Variants in MAPK15 observed in about 807,000 individuals in gnomAD.
The protein encoded by MAPK15 is mitogen-activated protein kinase 15.
Under a neutral mutation model 60.8 loss-of-function variants are expected in MAPK15, and 61 were observed. The ratio of observed to expected loss-of-function variants is 1.00; its 90% CI spans 0.82 to 1.24. MAPK15 has a LOEUF of 1.24. Ranked by LOEUF, MAPK15 falls within the 50% of genes most tolerant of loss-of-function variation. The pLI is 0.00. For missense variants in MAPK15, 808 were observed against 741.1 expected (o/e 1.09, Z -1.05); for synonymous variants, 356 against 319.9 (o/e 1.11, Z -1.21).
chr8:143,718,726 T>TTTCCCCCCCCCCCCCCCCCCCCC, intron 4 of MAPK15, 49 bp from the exon 5 acceptor site: 1 of 417,842 alleles, frequency 2.4e-6, no homozygotes, highest in South Asian at 2.3e-5. Flanking sequence ...CCCCCCAGGT[T>TTTCCCCCCCCCCCCCCCCCCCCC]GCCCCCCCAG....
chr8:143,721,624 G>A lies in MAPK15; in HGVS notation c.1280G>A (p.Gly427Glu). ...PLLQTALLGN[G>E]ERPPGAKEAP... The stretch of plus-strand genomic sequence containing the variant: ...CTCCAAACTGCTCTCCTAGGGAATG[G>A]GGAAAGGCCCCCTGGGGCGAAGGAA... Residue 427 changes from glycine to glutamate, a missense_variant, in exon 12 of 14, where the codon GGG becomes GAG. By Grantham distance (98) the Gly-to-Glu change is moderately conservative. Transcript: ENST00000338033. The A allele has an allele frequency of 1.9e-6, 3 of 1,611,960 alleles. No individual in the cohort carries two copies. In the African/African-American group the frequency reaches 4.0e-5, roughly 21 times the overall value.
chr8:143,718,744 C>G, intron 4 of MAPK15, 31 bp from the exon 5 acceptor site: 1 of 1,455,834 alleles, frequency 6.9e-7, no homozygotes, highest in Non-Finnish European at 9.2e-7. Context: ...CAGCCCCCCA[C>G]CCCCGACTGC....
rs1817989240 is a variant in MAPK15 at position 143,720,148 on chromosome 8, G to T, written c.722-82G>T. Reference sequence around the variant, plus strand: ...AGAGAGGCTGTGCTCCCTGGGGCTGGAAGAGATGACTGGCCCCAGATGCCC... The same window carrying T: ...AGAGAGGCTGTGCTCCCTGGGGCTGTAAGAGATGACTGGCCCCAGATGCCC... On this transcript the variant is annotated intron_variant, in intron 7 of 13. Coordinates refer to ENST00000338033, the MANE Select transcript of MAPK15 (RefSeq NM_139021.3). The surrounding 1 kb of genome is among the most constrained non-coding windows in gnomAD (Gnocchi z 4.6). 7 of 1,529,736 alleles carry T rather than the reference G, an allele frequency of 4.6e-6. No homozygotes were observed. In the Admixed American group the frequency reaches 1.4e-4, roughly 30 times the overall value. The allele number at this position is 1,529,736 out of a possible 1,614,324, so 94.8% of individuals were successfully genotyped here. A position where few individuals can be genotyped will look rare whatever the true frequency, so the allele number is the denominator to read the frequency against.
chr8:143,720,249 A>G lies in MAPK15; in HGVS notation c.741A>G (p.Ser247=), dbSNP rs781893719. ...CCCCAGACCTCCTGGCTCTCGGCTC[A>G]GGCTGCCGTGCCTCTGTGCTGCACC... ...PSEEDLLALG[S]GCRASVLHQL... is the part of the protein sequence containing the mutation. The change falls in exon 8 of 14, where the codon TCA becomes TCG. Residue 247 remains serine (S), a synonymous_variant. Transcript: ENST00000338033. The surrounding 1 kb of genome is among the most constrained non-coding windows in gnomAD (Gnocchi z 4.6). The G allele has an allele frequency of 5.0e-6, 8 of 1,586,408 alleles. No individual in the cohort carries two copies. The highest frequency in any genetic ancestry group is 6.9e-6 in the Non-Finnish European group (8 of 1,165,936).
At position 143,720,270 on chromosome 8, in the gene MAPK15, G is replaced by C. The variant is rs200797695; in HGVS notation, c.762G>C (p.Leu254=). The C allele has an allele frequency of 6.3e-7, 1 of 1,589,614 alleles. No individual in the cohort carries two copies. The highest frequency in any genetic ancestry group is 8.6e-7 in the Non-Finnish European group (1 of 1,167,612). The change falls in exon 8 of 14, where the codon CTG becomes CTC. Residue 254 remains leucine, a synonymous_variant. Coordinates refer to ENST00000338033, the MANE Select transcript of MAPK15 (RefSeq NM_139021.3). This position sits in a 1 kb window ranked among gnomAD's most constrained non-coding sequence, Gnocchi z 4.6. ...ALGSGCRASV[L]HQLGSRPRQT... is the part of the protein sequence containing the mutation. ...GCTCAGGCTGCCGTGCCTCTGTGCTGCACCAGCTGGGGTCCCGGTGAGTGG... is the reference window on the plus strand; with the variant it reads ...GCTCAGGCTGCCGTGCCTCTGTGCTCCACCAGCTGGGGTCCCGGTGAGTGG...
chr8:143,719,465 C>T lies in MAPK15; in HGVS notation c.704C>T (p.Pro235Leu), dbSNP rs537644016. The change falls in exon 7 of 14, where the codon CCA (proline) becomes CTA (leucine). Residue 235 changes from proline to leucine, a missense_variant. Transcript: ENST00000338033. ...CTGGAGCTGATCCTGGAGACCATCCCACCGCCATCTGAGGAGGGTGAGCCA... is the reference window on the plus strand; with the variant it reads ...CTGGAGCTGATCCTGGAGACCATCCTACCGCCATCTGAGGAGGGTGAGCCA... ...HQLELILETI[P>L]PPSEEDLLAL... 1.1e-5 allele frequency: 18 copies of T among 1,608,170 alleles called. No individual in the cohort carries two copies. Among genetic ancestry groups the T allele is most frequent in the Middle Eastern group, 1.9e-4 (1 of 5,356 alleles).
At position 143,720,774 on chromosome 8, in the gene MAPK15, T is replaced by C. The variant is rs781866712; in HGVS notation, c.851T>C (p.Leu284Pro). The C allele has an allele frequency of 7.4e-6, 12 of 1,613,700 alleles. No individual in the cohort carries two copies. The South Asian group carries it at 1.1e-4, about 15-fold the overall frequency. ...GAGGCCTTGGACCTCCTTAGGCGAC[T>C]CCTGGTGTTCGCCCCGGACAAGCGG... ...SPEALDLLRRLLVFAPDKRLS... is the reference protein window; with the variant it reads ...SPEALDLLRRPLVFAPDKRLS... Residue 284 changes from leucine (L) to proline (P), a missense_variant, in exon 9 of 14, where the codon CTC becomes CCC. Leu to Pro is a moderately conservative substitution (Grantham distance 98). Coordinates refer to ENST00000338033, the MANE Select transcript of MAPK15 (RefSeq NM_139021.3). This position sits in a 1 kb window ranked among gnomAD's most constrained non-coding sequence, Gnocchi z 4.6.
chr8:143,719,616 CAGGA>C, intron 7 of MAPK15, 134 bp downstream of exon 7: 2 of 1,245,926 alleles, frequency 1.6e-6, no homozygotes, highest in Non-Finnish European at 2.1e-6. Flanking sequence ...GAGGATGGGG[CAGGA>C]GCCCCAGGAA....
chr8:143,718,727 G>GCCCCCCCCCCCCCCCCCC, intron 4 of MAPK15, 48 bp from the exon 5 acceptor site: 1 of 514,524 alleles, frequency 1.9e-6, no homozygotes, highest in Non-Finnish European at 3.2e-6. Context: ...CCCCCAGGTT[G>GCCCCCCCCCCCCCCCCCC]CCCCCCCAGC....
At position 143,720,661 on chromosome 8, in the gene MAPK15, C is replaced by A. The variant is rs782554847; in HGVS notation, c.780-42C>A. On this transcript the variant is annotated intron_variant, in intron 8 of 13. Coordinates refer to ENST00000338033, the MANE Select transcript of MAPK15 (RefSeq NM_139021.3). The surrounding 1 kb of genome is among the most constrained non-coding windows in gnomAD (Gnocchi z 4.6). The stretch of plus-strand genomic sequence containing the variant: ...CCACGAACATGGATCTGAGGAGGGG[C>A]CCTTGGGTCGGGCCCTGGAGACGAC... 1.3e-6 allele frequency: 2 copies of A among 1,585,462 alleles called. No individual in the cohort carries two copies. Among genetic ancestry groups the A allele is most frequent in the East Asian group, 4.6e-5 (2 of 43,700 alleles).
At position 143,721,134 on chromosome 8, in the gene MAPK15, CCT is replaced by C. The variant is rs782690954; in HGVS notation, c.1023+30_1023+31del. On this transcript the variant is annotated intron_variant, in intron 10 of 13. Coordinates refer to ENST00000338033, the MANE Select transcript of MAPK15 (RefSeq NM_139021.3). ...CTCCGGCTCTCGACCCCTATCATCCCCTGTCTACTGCACCCTGGAGGCTGCCT... is the reference window on the plus strand; with the variant it reads ...CTCCGGCTCTCGACCCCTATCATCCCGTCTACTGCACCCTGGAGGCTGCCT... 2.4e-4 allele frequency: 381 copies of C among 1,604,752 alleles called. No homozygotes were observed. In the African/African-American group the frequency reaches 2.7e-3, roughly 11 times the overall value.
chr8:143,718,956 C>T, intron 5 of MAPK15, 37 bp from the exon 6 acceptor site: 2 of 1,599,318 alleles, frequency 1.3e-6, no homozygotes, highest in Admixed American at 1.7e-5. Flanking sequence ...CCCGGCCCCA[C>T]CCAGCCCCGG....
chr8:143,719,048 T>G lies in MAPK15; in HGVS notation c.473T>G (p.Leu158Arg). 5.6e-6 allele frequency: 9 copies of G among 1,596,306 alleles called. No individual in the cohort carries two copies. Among genetic ancestry groups the G allele is most frequent in the Non-Finnish European group, 7.7e-6 (9 of 1,172,026 alleles). ...ACAGTGAAGCTGTGTGACTTTGGCC[T>G]GGCCCGCTCCCTGGGCGACCTCCCC... ...NCTVKLCDFG[L>R]ARSLGDLPEG... Residue 158 changes from leucine to arginine, a missense_variant, in exon 6 of 14, where the codon CTG (leucine) becomes CGG (arginine). Transcript: ENST00000338033.
At position 143,720,814 on chromosome 8, in the gene MAPK15, G is replaced by A. The variant is rs1206929629; in HGVS notation, c.891G>A (p.Gln297=). The A allele has an allele frequency of 1.2e-6, 2 of 1,613,226 alleles. No individual in the cohort carries two copies. The highest frequency in any genetic ancestry group is 8.5e-7 in the Non-Finnish European group (1 of 1,179,880). ...CGGACAAGCGGTTAAGCGCGACCCAGGCACTGCAGCACCCCTACGTGCAGA... is the reference window on the plus strand; with the variant it reads ...CGGACAAGCGGTTAAGCGCGACCCAAGCACTGCAGCACCCCTACGTGCAGA... ...FAPDKRLSAT[Q]ALQHPYVQRF... Residue 297 remains glutamine (Q), a synonymous_variant, in exon 9 of 14, where the codon CAG becomes CAA. Coordinates refer to ENST00000338033, the MANE Select transcript of MAPK15 (RefSeq NM_139021.3). The surrounding 1 kb of genome is among the most constrained non-coding windows in gnomAD (Gnocchi z 4.6).
At chr8:143,717,662 G>A (rs1554618612) in intron 1 of MAPK15, 32 bp from the exon 2 acceptor site, 2 of 1,546,756 alleles carry the variant, frequency 1.3e-6, no homozygotes, top group Non-Finnish European at 8.8e-7. Context: ...GGGGGGAAGG[G>A]GCTGGCCCTG....
Position 143,721,545 on chromosome 8 carries a change from A to C in MAPK15, c.1205-4A>C, listed in dbSNP as rs782312051. On this transcript the variant is annotated splice_polypyrimidine_tract_variant and splice_region_variant and intron_variant, in intron 11 of 13. Transcript: ENST00000338033. Reference sequence around the variant, plus strand: ...ACCCCGGGGTTGACCCACTGACCCCACAGAGTCCCCCCGTGCAGCCAAGAA... The same window carrying C: ...ACCCCGGGGTTGACCCACTGACCCCCCAGAGTCCCCCCGTGCAGCCAAGAA... 4 of 1,613,524 alleles carry C rather than the reference A, an allele frequency of 2.5e-6. No individual in the cohort carries two copies. In the African/African-American group the frequency reaches 5.3e-5, roughly 22 times the overall value.
Position 143,718,783 on chromosome 8 carries a change from C to T in MAPK15, c.295C>T (p.Leu99=). ...YLVFEFMDTD[L]NAVIRKGGLL... ...GCGCACCCTCTCTGCAGACACTGACCTGAACGCAGTCATCCGGAAGGGCGG... is the reference window on the plus strand; with the variant it reads ...GCGCACCCTCTCTGCAGACACTGACTTGAACGCAGTCATCCGGAAGGGCGG... The change falls in exon 5 of 14, where the codon CTG becomes TTG. Residue 99 remains leucine, a synonymous_variant. Coordinates refer to ENST00000338033, the MANE Select transcript of MAPK15 (RefSeq NM_139021.3). The T allele has an allele frequency of 6.2e-7, 1 of 1,605,786 alleles. No homozygotes were observed. Among genetic ancestry groups the T allele is most frequent in the Non-Finnish European group, 8.5e-7 (1 of 1,176,690 alleles).
Position 143,721,333 on chromosome 8 carries a change from C to A in MAPK15, c.1126C>A (p.Gln376Lys). 1 of 1,613,702 alleles carries A rather than the reference C, an allele frequency of 6.2e-7. No homozygotes were observed. Among genetic ancestry groups the A allele is most frequent in the Non-Finnish European group, 8.5e-7 (1 of 1,179,954 alleles). ...CCTGCACAAACCCAGAGCCGACCCT[C>A]AGCTGCCTTCTAGGACACCTGTGCA... ...AHLHKPRADP[Q>K]LPSRTPVQGP... The change falls in exon 11 of 14, where the codon CAG (glutamine) becomes AAG (lysine). Residue 376 changes from glutamine (Q) to lysine (K), a missense_variant. By Grantham distance (53) the Gln-to-Lys change is moderately conservative (BLOSUM62 1). Transcript: ENST00000338033.
chr8:143,718,373 G>A (rs1817897355), intron 4 of MAPK15, 71 bp downstream of exon 4: 1 of 1,411,752 alleles, frequency 7.1e-7, no homozygotes, highest in Non-Finnish European at 1.0e-6. Context: ...GGGTCCCTCT[G>A]CGTGTCCCCC....
Sources: allele counts gnomAD v4.1 joint callset, GRCh38; gene constraint gnomAD v4.1.1; non-coding constraint Gnocchi (gnomAD v3.1); transcripts MANE v1.5; gene names NCBI Gene and HGNC (gene_info 2026-07-23, HGNC 2026-07-21).